The following TAFA4 variants were observed in gnomAD, a reference collection of about 807,000 sequenced individuals.
TAFA4 encodes TAFA chemokine like family member 4, also known as chemokine-like protein TAFA-4.
TAFA4 carries 20 observed loss-of-function variants against 21.1 expected under a neutral mutation model. The observed-to-expected ratio is 0.95, with a 90% CI of 0.67 to 1.38. The LOEUF is 1.38. TAFA4 is among the 40% of genes most tolerant of loss of function. The pLI, the probability that TAFA4 is intolerant of heterozygous loss-of-function variation, is 0.00. For synonymous variants in TAFA4, 71 were observed against 67.4 expected, an observed-to-expected ratio of 1.05 and a Z score of -0.26; for missense variants, 211 against 180.9, an observed-to-expected ratio of 1.17 and a Z score of -0.95.
At chr3:68,920,315 C>A (rs192502635) in intron 1 of TAFA4, among the ~76,000 whole-genome samples, 9 of 152,290 alleles carry the variant, frequency 5.9e-5, no homozygotes, top group Non-Finnish European at 1.3e-4. Context: ...TATTTAGTAA[C>A]CATACATAAC....
chr3:68,853,141 A>C (rs1014359257), intron 3 of TAFA4, among the ~76,000 whole-genome samples: 2 of 152,220 alleles, frequency 1.3e-5, no homozygotes, highest in African/African-American at 4.8e-5. Context: ...ATTATACTTT[A>C]TGATGTCAGA....
intron 1 of TAFA4, among the ~76,000 whole-genome samples, chr3:68,924,566 T>C (rs1383281961): frequency 6.6e-6 from 1 of 152,186 alleles, no homozygotes; most frequent in Non-Finnish European, 1.5e-5. Context: ...CAATGGTAGC[T>C]TAACAATGTG....
chr3:68,752,425 G>T (rs1340471263), intron 4 of TAFA4, among the ~76,000 whole-genome samples: 1 of 152,174 alleles, frequency 6.6e-6, no homozygotes, highest in Non-Finnish European at 1.5e-5. Flanking sequence ...GTTCCAAAGA[G>T]ACTGTCCTAT....
At chr3:68,892,471 T>C (rs1242649062) in intron 1 of TAFA4, among the ~76,000 whole-genome samples, 2 of 152,142 alleles carry the variant, frequency 1.3e-5, no homozygotes, top group Admixed American at 1.3e-4. Flanking sequence ...AATCAGTTAA[T>C]GGGTATGACG....
chr3:68,746,854 G>T (rs1488181759), intron 4 of TAFA4, among the ~76,000 whole-genome samples: 1 of 152,130 alleles, frequency 6.6e-6, no homozygotes, highest in African/African-American at 2.4e-5. Context: ...CTCTAAGTCA[G>T]GGTTTCTCAA....
chr3:68,799,887 A>G (rs148687927), intron 3 of TAFA4, among the ~76,000 whole-genome samples: 2 of 152,202 alleles, frequency 1.3e-5, no homozygotes, highest in East Asian at 3.9e-4. Context: ...CATCACTCAC[A>G]TTACAGCCTG....
rs187274336 is a variant in TAFA4 at position 68,769,944 on chromosome 3, A to C, written c.131-16926T>G. 7.1e-4 allele frequency among the ~76,000 whole-genome samples: 108 copies of C among 152,312 alleles called. 1 individual carries two copies. The highest frequency in any genetic ancestry group is 8.8e-5 in the Non-Finnish European group (6 of 68,028). ...ATCCTCTTTTTCATACATGGCTTACACTAACACAGAAAACAACTGCCGTGT... is the reference window on the plus strand; with the variant it reads ...ATCCTCTTTTTCATACATGGCTTACCCTAACACAGAAAACAACTGCCGTGT... On this transcript the variant is annotated intron_variant, in intron 3 of 5. Coordinates refer to ENST00000295569, the MANE Select transcript of TAFA4 (RefSeq NM_182522.5).
At position 68,758,135 on chromosome 3, in the gene TAFA4, GTAGAGC is replaced by G. The variant is rs551172958; in HGVS notation, c.131-5123_131-5118del. 1.6e-4 allele frequency among the ~76,000 whole-genome samples: 25 copies of G among 152,318 alleles called. 1 individual carries two copies. The East Asian group carries it at 4.8e-3, about 29-fold the overall frequency. ...TGCTTTATAGCTTGTATTTTACCAAGTAGAGCCTAAAATGGCATCTCCACCTCAGCA... is the reference window on the plus strand; with the variant it reads ...TGCTTTATAGCTTGTATTTTACCAAGCTAAAATGGCATCTCCACCTCAGCA... On this transcript the variant is annotated intron_variant, in intron 3 of 5. Transcript: ENST00000295569.
chr3:68,763,267 A>G (rs1702788762), intron 3 of TAFA4, among the ~76,000 whole-genome samples: 1 of 152,194 alleles, frequency 6.6e-6, no homozygotes, highest in Non-Finnish European at 1.5e-5. Flanking sequence ...GGCAAAAGGC[A>G]ATTGTAAAAT....
chr3:68,767,670 T>C (rs569475675), intron 3 of TAFA4, among the ~76,000 whole-genome samples: 1 of 152,102 alleles, frequency 6.6e-6, no homozygotes, highest in Admixed American at 6.6e-5. Context: ...TTCAAATATA[T>C]ACCAGCATAA....
At chr3:68,789,069 T>A (rs1206819293) in intron 3 of TAFA4, among the ~76,000 whole-genome samples, 1 of 151,872 alleles carries the variant, frequency 6.6e-6, no homozygotes, top group Non-Finnish European at 1.5e-5. Flanking sequence ...CCGTCTCTAC[T>A]AAAAATACAA....
chr3:68,878,255 C>T (rs1306971475), intron 3 of TAFA4, among the ~76,000 whole-genome samples: 3 of 152,188 alleles, frequency 2.0e-5, no homozygotes, highest in Admixed American at 6.5e-5. Context: ...AAATCAATAG[C>T]ACCCAAGTTC....
chr3:68,775,447 T>G (rs1027047496), intron 3 of TAFA4, among the ~76,000 whole-genome samples: 1 of 152,018 alleles, frequency 6.6e-6, no homozygotes, highest in African/African-American at 2.4e-5. Context: ...GGAGAGAGTA[T>G]GAGGAGCATT....
At chr3:68,860,049 T>G (rs1156784498) in intron 3 of TAFA4, among the ~76,000 whole-genome samples, 1 of 152,110 alleles carries the variant, frequency 6.6e-6, no homozygotes, top group African/African-American at 2.4e-5. Context: ...AACTTAGTGT[T>G]GGAGCTTTTT....
intron 4 of TAFA4, among the ~76,000 whole-genome samples, chr3:68,741,501 AAAG>A (rs1210071401): frequency 6.6e-6 from 1 of 152,166 alleles, no homozygotes; most frequent in Non-Finnish European, 1.5e-5. Flanking sequence ...CCTGGTATTT[AAAG>A]AAGAACTTGG....
At chr3:68,849,055 C>A (rs368483365) in intron 3 of TAFA4, among the ~76,000 whole-genome samples, 2 of 152,116 alleles carry the variant, frequency 1.3e-5, no homozygotes, top group African/African-American at 4.8e-5. Context: ...AAAAAAAATT[C>A]TTCCTGATAA....
At chr3:68,880,673 T>G in intron 3 of TAFA4, 57 bp downstream of exon 3, 2 of 1,433,848 alleles carry the variant, frequency 1.4e-6, no homozygotes. Context: ...ATGTGGACTC[T>G]GACATTTGGA....
At chr3:68,804,089 A>G (rs1038434136) in intron 3 of TAFA4, among the ~76,000 whole-genome samples, 1 of 151,684 alleles carries the variant, frequency 6.6e-6, no homozygotes, top group Non-Finnish European at 1.5e-5. Flanking sequence ...TGCCCAGTCT[A>G]TTTTTCAAAC....
At chr3:68,921,782 C>G (rs969585199) in intron 1 of TAFA4, among the ~76,000 whole-genome samples, 1 of 152,174 alleles carries the variant, frequency 6.6e-6, no homozygotes, top group African/African-American at 2.4e-5. Flanking sequence ...GAAATTGAAG[C>G]CTTGTTTTTT....
Sources: allele counts gnomAD v4.1 joint callset (sites outside exome capture counted in the v4.1 genomes callset), GRCh38; gene constraint gnomAD v4.1.1; transcripts MANE v1.5; gene names NCBI Gene and HGNC (gene_info 2026-07-23, HGNC 2026-07-21).